Variants in SPIDR observed in about 807,000 individuals in gnomAD.
The protein encoded by SPIDR is DNA repair-scaffolding protein.
Under a neutral mutation model 104.6 loss-of-function variants are expected in SPIDR, and 93 were observed. The observed-to-expected ratio is 0.89, with a 90% CI of 0.75 to 1.06. The LOEUF (loss-of-function observed/expected upper bound fraction) is 1.06, where lower values mean the gene tolerates loss of function less well. Among genes scored for constraint, SPIDR ranks in the 50% least tolerant of loss-of-function variants. SPIDR has a pLI of 0.00. For missense variants in SPIDR, 1,154 were observed against 1,111.2 expected (o/e 1.04, Z -0.55); for synonymous variants, 431 against 416.9 (o/e 1.03, Z -0.41).
intron 7 of SPIDR, among the ~76,000 whole-genome samples, chr8:47,428,377 CTG>C (rs1306240567): frequency 1.3e-5 from 2 of 152,186 alleles, no homozygotes; most frequent in Non-Finnish European, 2.9e-5. Flanking sequence ...AAATGGTAGA[CTG>C]GTCATTCCTA....
intron 8 of SPIDR, among the ~76,000 whole-genome samples, chr8:47,461,871 C>A (rs1419919002): frequency 6.6e-6 from 1 of 151,594 alleles, no homozygotes; most frequent in Non-Finnish European, 1.5e-5. Context: ...TCTGATGCCT[C>A]CTTGATTCGC....
intron 5 of SPIDR, among the ~76,000 whole-genome samples, chr8:47,349,748 G>A (rs1554621013): frequency 6.6e-6 from 1 of 152,254 alleles, no homozygotes; most frequent in East Asian, 1.9e-4. Context: ...CAGTGAGCAA[G>A]GGTCCGTGGG....
At chr8:47,673,979 T>A in intron 11 of SPIDR, 38 bp downstream of exon 11, 1 of 1,593,890 alleles carries the variant, frequency 6.3e-7, no homozygotes, top group Non-Finnish European at 8.5e-7. Flanking sequence ...TTTGCTACAA[T>A]TGTTGGTTCT....
intron 8 of SPIDR, among the ~76,000 whole-genome samples, chr8:47,463,603 A>C (rs1162809820): frequency 6.6e-6 from 1 of 152,228 alleles, no homozygotes; most frequent in African/African-American, 2.4e-5. Flanking sequence ...CCTGATGAAT[A>C]TTGATGAAAA....
chr8:47,438,347 A>AATGCTCCTGTGGCC (rs1182719765), intron 7 of SPIDR, among the ~76,000 whole-genome samples: 3 of 152,150 alleles, frequency 2.0e-5, no homozygotes, highest in Non-Finnish European at 4.4e-5. Flanking sequence ...TATGTCTCAA[A>AATGCTCCTGTGGCC]ATGCTCCTGT....
At chr8:47,320,580 C>G (rs1322465334) in intron 5 of SPIDR, among the ~76,000 whole-genome samples, 1 of 152,170 alleles carries the variant, frequency 6.6e-6, no homozygotes, top group Non-Finnish European at 1.5e-5. Flanking sequence ...AGAGGGAATC[C>G]TCCCTAACTC....
At chr8:47,733,073 T>G (rs2085530732) in intron 19 of SPIDR, among the ~76,000 whole-genome samples, 1 of 152,234 alleles carries the variant, frequency 6.6e-6, no homozygotes, top group Admixed American at 6.5e-5. Flanking sequence ...AACCTCTCCA[T>G]GTTAATTTCT....
chr8:47,401,612 G>C (rs2061898347), intron 6 of SPIDR, among the ~76,000 whole-genome samples: 3 of 152,092 alleles, frequency 2.0e-5, no homozygotes, highest in Admixed American at 2.0e-4. Context: ...GACACACATA[G>C]GCTCAAAATG....
intron 5 of SPIDR, among the ~76,000 whole-genome samples, chr8:47,329,371 C>T (rs2048275794): frequency 6.6e-6 from 1 of 152,000 alleles, no homozygotes; most frequent in South Asian, 2.1e-4. Context: ...GCGCCCGACC[C>T]AATTTTTGTA....
intron 6 of SPIDR, among the ~76,000 whole-genome samples, chr8:47,397,508 C>T (rs1170860685): frequency 6.6e-6 from 1 of 151,276 alleles, no homozygotes; most frequent in African/African-American, 2.4e-5. Flanking sequence ...AAAACAACAA[C>T]AAAAAAAAGA....
chr8:47,393,180 A>G lies in SPIDR; in HGVS notation c.526-3196A>G, dbSNP rs192022071. On this transcript the variant is annotated intron_variant, in intron 5 of 19. Transcript: ENST00000297423. The stretch of plus-strand genomic sequence containing the variant: ...CCCAGGTATCCCATAGGCACACAAC[A>G]TTCACACATCAAAACTAGCTTGAAT... Among the ~76,000 whole-genome samples the G allele has an allele frequency of 3.9e-5, 6 of 152,334 alleles. No homozygotes were observed. In the East Asian group the frequency reaches 1.2e-3, roughly 29 times the overall value.
At chr8:47,569,179 G>A (rs1178623970) in intron 8 of SPIDR, among the ~76,000 whole-genome samples, 1 of 152,020 alleles carries the variant, frequency 6.6e-6, no homozygotes, top group Non-Finnish European at 1.5e-5. Flanking sequence ...AGAGATAAAG[G>A]ACACTATATA....
chr8:47,565,232 G>C (rs989917173), intron 8 of SPIDR, among the ~76,000 whole-genome samples: 6 of 152,154 alleles, frequency 3.9e-5, no homozygotes, highest in African/African-American at 1.4e-4. Context: ...GACAAGAAGG[G>C]TGAAATTCCG....
At chr8:47,423,348 T>A (rs1403593346) in intron 7 of SPIDR, among the ~76,000 whole-genome samples, 1 of 150,400 alleles carries the variant, frequency 6.6e-6, no homozygotes, top group East Asian at 2.0e-4. Flanking sequence ...GGCTCATGTC[T>A]GTAATCCCAG....
intron 8 of SPIDR, among the ~76,000 whole-genome samples, chr8:47,559,576 C>T (rs1432899183): frequency 6.6e-6 from 1 of 152,126 alleles, no homozygotes; most frequent in African/African-American, 2.4e-5. Flanking sequence ...TAGGGGTGAT[C>T]CTGATAATTC....
intron 11 of SPIDR, among the ~76,000 whole-genome samples, chr8:47,689,355 A>G (rs980961188): frequency 2.0e-5 from 3 of 152,222 alleles, no homozygotes; most frequent in African/African-American, 7.2e-5. Flanking sequence ...AAATGAGATT[A>G]ACTTGAGTAC....
At chr8:47,439,818 T>C (rs1554695067) in intron 7 of SPIDR, among the ~76,000 whole-genome samples, 2 of 152,160 alleles carry the variant, frequency 1.3e-5, no homozygotes, top group African/African-American at 2.4e-5. Context: ...AGAGCTCTAA[T>C]ACCCAGCAGT....
intron 8 of SPIDR, among the ~76,000 whole-genome samples, chr8:47,459,501 T>G (rs1297415899): frequency 2.0e-5 from 3 of 152,198 alleles, no homozygotes; most frequent in Non-Finnish European, 4.4e-5. Context: ...CTTTTCTAAT[T>G]GAGCTTATTT....
chr8:47,302,278 T>A (rs1202702211), intron 5 of SPIDR, among the ~76,000 whole-genome samples: 1 of 152,200 alleles, frequency 6.6e-6, no homozygotes, highest in Admixed American at 6.5e-5. Context: ...GTTCTCGTGC[T>A]GTGGTTTTCA....
Sources: allele counts gnomAD v4.1 joint callset (sites outside exome capture counted in the v4.1 genomes callset), GRCh38; gene constraint gnomAD v4.1.1; transcripts MANE v1.5; gene names NCBI Gene and HGNC (gene_info 2026-07-23, HGNC 2026-07-21).